The following NGF variants were observed in gnomAD, a reference collection of about 807,000 sequenced individuals.
NGF encodes beta-nerve growth factor.
A neutral mutation model predicts 12.8 loss-of-function variants in NGF; 4 were observed. That is an observed-to-expected ratio of 0.31 (90% CI 0.15 to 0.72). The LOEUF is 0.72. NGF is among the 30% of genes least tolerant of loss of function. The probability of loss-of-function intolerance (pLI) is 0.69; values close to 1 mark genes in which losing one functional copy is unlikely to be tolerated. For missense variants in NGF, 283 were observed against 330.8 expected, an observed-to-expected ratio of 0.86 and a Z score of 1.12; for synonymous variants, 140 against 130.0, an observed-to-expected ratio of 1.08 and a Z score of -0.52.
At chr1:115,306,215 C>T (rs1424696450) in intron 1 of NGF, among the ~76,000 whole-genome samples, 8 of 152,092 alleles carry the variant, frequency 5.3e-5, no homozygotes, top group Non-Finnish European at 8.8e-5. Context: ...GTTTGAGGGA[C>T]GAGTGGAAAG....
chr1:115,333,673 C>A (rs1164992515), intron 1 of NGF, among the ~76,000 whole-genome samples: 3 of 62,490 alleles, frequency 4.8e-5, no homozygotes, highest in Non-Finnish European at 7.3e-5. Context: ...TTCTTTCTTT[C>A]TTTCTTTCTT....
At chr1:115,298,763 A>T (rs1237814878) in intron 1 of NGF, among the ~76,000 whole-genome samples, 2 of 151,848 alleles carry the variant, frequency 1.3e-5, no homozygotes, top group Non-Finnish European at 2.9e-5. Flanking sequence ...ATTTGGTAAT[A>T]GCCAAATCGA....
intron 1 of NGF, among the ~76,000 whole-genome samples, chr1:115,300,365 A>G (rs1030699829): frequency 6.6e-6 from 1 of 152,224 alleles, no homozygotes; most frequent in Non-Finnish European, 1.5e-5. Context: ...TGGGACTTGA[A>G]TGTAAGGATT....
At chr1:115,307,317 G>A (rs4626883) in intron 1 of NGF, among the ~76,000 whole-genome samples, 7,949 of 152,230 alleles carry the variant, frequency 0.052, 312 homozygotes, top group Non-Finnish European at 0.084. Flanking sequence ...GGGGAAGCAG[G>A]AAAACAACAG....
intron 1 of NGF, among the ~76,000 whole-genome samples, chr1:115,336,876 G>A (rs1655122136): frequency 6.6e-6 from 1 of 152,200 alleles, no homozygotes; most frequent in South Asian, 2.1e-4. Flanking sequence ...CATGGATTGG[G>A]GAGGAGGGGA....
chr1:115,307,137 T>C (rs1362497504), intron 1 of NGF, among the ~76,000 whole-genome samples: 1 of 152,146 alleles, frequency 6.6e-6, no homozygotes, highest in Non-Finnish European at 1.5e-5. Flanking sequence ...CCAAAACCTA[T>C]AGGCACTGGA....
At chr1:115,314,514 A>G (rs983051690) in intron 1 of NGF, among the ~76,000 whole-genome samples, 2 of 152,208 alleles carry the variant, frequency 1.3e-5, no homozygotes, top group African/African-American at 4.8e-5. Context: ...ATCTGTGGCT[A>G]GTGCTTGGTA....
intron 1 of NGF, among the ~76,000 whole-genome samples, chr1:115,299,549 A>C (rs571904389): frequency 3.9e-5 from 6 of 152,300 alleles, no homozygotes; most frequent in African/African-American, 1.2e-4. Context: ...AATTACAACA[A>C]CATTAATGTG....
At position 115,286,668 on chromosome 1, in the gene NGF, G is replaced by A. The variant is rs566033399; in HGVS notation, c.128C>T (p.Ser43Phe). The A allele has an allele frequency of 2.5e-6, 4 of 1,614,244 alleles. No individual in the cohort carries two copies. The South Asian group carries it at 4.4e-5, about 18-fold the overall frequency. ...PQAHWTKLQH[S>F]LDTALRRARS... The stretch of plus-strand genomic sequence containing the variant: ...GGCTCTGCGAAGGGCAGTGTCAAGG[G>A]AATGCTGAAGTTTAGTCCAGTGGGC... Residue 43 changes from serine to phenylalanine, a missense_variant, in exon 3 of 3, where the codon TCC becomes TTC. Ser to Phe is a radical substitution (Grantham distance 155). This residue lies in a region of NGF where 151 missense variants were observed against 141.6 expected (regional missense o/e 1.07). Transcript: ENST00000369512.
intron 1 of NGF, among the ~76,000 whole-genome samples, chr1:115,334,564 CT>C (rs1300239160): frequency 1.3e-5 from 2 of 152,136 alleles, no homozygotes; most frequent in Non-Finnish European, 2.9e-5. Context: ...TTTGCTGGCT[CT>C]TGGAGGATGA....
At chr1:115,315,197 T>C (rs1571088114) in intron 1 of NGF, among the ~76,000 whole-genome samples, 1 of 152,180 alleles carries the variant, frequency 6.6e-6, no homozygotes, top group Admixed American at 6.5e-5. Flanking sequence ...TCTATGGAGA[T>C]GGGAAGCCAT....
intron 2 of NGF, among the ~76,000 whole-genome samples, chr1:115,287,925 C>T (rs1212776535): frequency 1.3e-5 from 2 of 152,182 alleles, no homozygotes; most frequent in Non-Finnish European, 2.9e-5. Flanking sequence ...CCGCGGAGCT[C>T]CTATGCATAC....
intron 1 of NGF, among the ~76,000 whole-genome samples, chr1:115,322,432 G>A (rs545786391): frequency 6.6e-6 from 1 of 152,162 alleles, no homozygotes; most frequent in Non-Finnish European, 1.5e-5. Context: ...AGGCTACAAG[G>A]AGTGGGCCCC....
At chr1:115,319,236 G>C (rs532826692) in intron 1 of NGF, among the ~76,000 whole-genome samples, 2 of 152,276 alleles carry the variant, frequency 1.3e-5, no homozygotes, top group East Asian at 3.9e-4. Context: ...ACCAGACCCG[G>C]TGACTGGCCT....
At chr1:115,315,291 A>G (rs1654446964) in intron 1 of NGF, among the ~76,000 whole-genome samples, 1 of 152,230 alleles carries the variant, frequency 6.6e-6, no homozygotes, top group African/African-American at 2.4e-5. Context: ...GGGGACCAAG[A>G]AGAGAAACCG....
intron 1 of NGF, among the ~76,000 whole-genome samples, chr1:115,334,379 A>G (rs1174838935): frequency 6.6e-6 from 1 of 152,188 alleles, no homozygotes; most frequent in Non-Finnish European, 1.5e-5. Flanking sequence ...TTTTAATAAC[A>G]TATGGCAGAG....
At chr1:115,323,767 T>C (rs1046692871) in intron 1 of NGF, among the ~76,000 whole-genome samples, 1 of 152,212 alleles carries the variant, frequency 6.6e-6, no homozygotes, top group Non-Finnish European at 1.5e-5. Context: ...AAATGAGGTG[T>C]TGGCCAGCTA....
At chr1:115,334,906 C>A (rs77776084) in intron 1 of NGF, among the ~76,000 whole-genome samples, 3 of 152,140 alleles carry the variant, frequency 2.0e-5, no homozygotes, top group Non-Finnish European at 4.4e-5. Flanking sequence ...AGAAGCTTAG[C>A]GACTTGCTCA....
chr1:115,324,860 T>C (rs991881915), intron 1 of NGF, among the ~76,000 whole-genome samples: 1 of 152,190 alleles, frequency 6.6e-6, no homozygotes, highest in Non-Finnish European at 1.5e-5. Context: ...CAATTATTTG[T>C]TGAATTACTC....
Sources: gnomAD v4.1 joint callset for allele counts (sites outside exome capture counted in the v4.1 genomes callset) on GRCh38, gnomAD v4.1.1 for gene constraint, gnomAD v4.1.1 regional missense constraint, MANE v1.5 for transcripts, NCBI Gene and HGNC (gene_info 2026-07-23, HGNC 2026-07-21) for gene names.